The following CLASP2 variants were observed in gnomAD, a reference collection of about 807,000 sequenced individuals.
The protein encoded by CLASP2 is CLIP-associating protein 2.
In CLASP2, 47 loss-of-function variants were observed where a neutral mutation model predicts 194.4. That is an observed-to-expected ratio of 0.24 (90% CI 0.19 to 0.31). The LOEUF is 0.31. Among genes scored for constraint, CLASP2 ranks in the 10% least tolerant of loss-of-function variants. The pLI is 1.00. For missense variants in CLASP2, 1,445 were observed against 1,823.6 expected (o/e 0.79, Z 3.78); for synonymous variants, 619 against 633.5 (o/e 0.98, Z 0.34).
At chr3:33,546,331 C>T (rs2059147950) in intron 30 of CLASP2, among the ~76,000 whole-genome samples, 1 of 152,104 alleles carries the variant, frequency 6.6e-6, no homozygotes, top group Non-Finnish European at 1.5e-5. Flanking sequence ...TTCCATTGAT[C>T]TATTTGTCTA....
intron 29 of CLASP2, among the ~76,000 whole-genome samples, chr3:33,555,580 C>A (rs1367907761): frequency 6.6e-6 from 1 of 152,068 alleles, no homozygotes; most frequent in East Asian, 1.9e-4. Flanking sequence ...GTTGCCCAGG[C>A]TAGTCTCGAA....
At chr3:33,574,277 C>A (rs1220568797) in intron 24 of CLASP2, among the ~76,000 whole-genome samples, 2 of 152,042 alleles carry the variant, frequency 1.3e-5, no homozygotes, top group Non-Finnish European at 2.9e-5. Context: ...AGTAGTCAAG[C>A]TGAAAGAATG....
intron 13 of CLASP2, among the ~76,000 whole-genome samples, chr3:33,610,208 A>C (rs2074853238): frequency 6.6e-6 from 1 of 152,204 alleles, no homozygotes; most frequent in African/African-American, 2.4e-5. Context: ...AGCTGGAGTA[A>C]AAATTAGGCT....
intron 14 of CLASP2, 116 bp from the exon 15 acceptor site, chr3:33,607,577 A>T: frequency 1.8e-6 from 1 of 557,182 alleles, no homozygotes. Flanking sequence ...GGAAAATAAA[A>T]ATTAATTAGT....
At chr3:33,543,324 G>C in intron 32 of CLASP2, 109 bp downstream of exon 32, 1 of 715,166 alleles carries the variant, frequency 1.4e-6, no homozygotes, top group Non-Finnish European at 2.4e-6. Context: ...AGTGAGTTGA[G>C]ATCACACCAC....
chr3:33,667,866 C>T (rs1304535508), intron 6 of CLASP2, among the ~76,000 whole-genome samples: 3 of 152,056 alleles, frequency 2.0e-5, no homozygotes, highest in Non-Finnish European at 4.4e-5. Context: ...TACCATACCA[C>T]CAGAACTTAC....
intron 10 of CLASP2, among the ~76,000 whole-genome samples, chr3:33,623,122 T>A (rs2077381085): frequency 6.6e-6 from 1 of 152,178 alleles, no homozygotes; most frequent in African/African-American, 2.4e-5. Flanking sequence ...ATTTCTTACA[T>A]TTTTAATTAT....
intron 31 of CLASP2, among the ~76,000 whole-genome samples, chr3:33,543,865 C>T (rs1271078452): frequency 6.6e-6 from 1 of 152,146 alleles, no homozygotes; most frequent in Non-Finnish European, 1.5e-5. Flanking sequence ...TACTAATGCT[C>T]AAATTTTATC....
chr3:33,600,673 T>C (rs1298878318), intron 18 of CLASP2, among the ~76,000 whole-genome samples: 1 of 152,228 alleles, frequency 6.6e-6, no homozygotes, highest in Non-Finnish European at 1.5e-5. Context: ...CACAAAATGA[T>C]GAAATTACTA....
At chr3:33,700,097 A>G (rs2154352570) in intron 1 of CLASP2, among the ~76,000 whole-genome samples, 1 of 152,308 alleles carries the variant, frequency 6.6e-6, no homozygotes, top group Admixed American at 6.5e-5. Flanking sequence ...ATCTACACTA[A>G]GAAATAACAG....
intron 7 of CLASP2, among the ~76,000 whole-genome samples, chr3:33,646,073 C>G (rs1407898245): frequency 6.6e-6 from 1 of 151,896 alleles, no homozygotes; most frequent in African/African-American, 2.4e-5. Context: ...AGCAGCTTTA[C>G]CACACGCTTC....
rs138014062 is a variant in CLASP2, at chr3:33,614,199, T to G, written c.1318-2128A>C. 4.6e-4 allele frequency among the ~76,000 whole-genome samples: 70 copies of G among 152,128 alleles called. No individual in the cohort carries two copies. The East Asian group carries it at 0.011, about 24-fold the overall frequency. On this transcript the variant is annotated intron_variant, in intron 12 of 38. Transcript: ENST00000682230. Reference sequence around the variant, plus strand: ...TAGGCTAGTATAATAACGTGAAAAATGAGCAATTTGAAAACAAAGTATAAA... The same window carrying G: ...TAGGCTAGTATAATAACGTGAAAAAGGAGCAATTTGAAAACAAAGTATAAA...
Position 33,718,118 on chromosome 3 carries a change from G to T in CLASP2, c.-116C>A. 1 of 1,102,532 alleles carries T rather than the reference G, an allele frequency of 9.1e-7. No homozygotes were observed. Among genetic ancestry groups the T allele is most frequent in the Non-Finnish European group, 1.2e-6 (1 of 837,324 alleles). The allele number at this position is 1,102,532 out of a possible 1,614,324, so 68.3% of individuals were successfully genotyped here. ...GGCGGGACTCACTTAGCCCGCCAGG[G>T]GCGCGGCTTGCGGGGCGCAGCGGGC... On this transcript the variant is annotated 5_prime_UTR_variant, in exon 1 of 39. Transcript: ENST00000682230.
At chr3:33,708,788 T>C (rs999471325) in intron 1 of CLASP2, among the ~76,000 whole-genome samples, 2 of 152,116 alleles carry the variant, frequency 1.3e-5, no homozygotes, top group Non-Finnish European at 1.5e-5. Flanking sequence ...TTTTCCATGA[T>C]AGCTGTACCA....
At position 33,688,313 on chromosome 3, in the gene CLASP2, T is replaced by C; in HGVS notation, c.434A>G (p.Glu145Gly). The C allele has an allele frequency of 6.3e-7, 1 of 1,592,610 alleles. No individual in the cohort carries two copies. Among genetic ancestry groups the C allele is most frequent in the Non-Finnish European group, 8.6e-7 (1 of 1,168,574 alleles). Residue 145 changes from glutamate to glycine, a missense_variant, in exon 4 of 39, where the codon GAA becomes GGA. Coordinates refer to ENST00000682230, the MANE Select transcript of CLASP2 (RefSeq NM_001365631.1). ...GFKHKNFRSR[E>G]GVCLCLIETL... ...TTCAATAAGACACAGACACACGCCTTCTCGAGATCGAAAATTCTTGTGTTT... is the reference window on the plus strand; with the variant it reads ...TTCAATAAGACACAGACACACGCCTCCTCGAGATCGAAAATTCTTGTGTTT...
chr3:33,679,604 A>AT (rs1271772549), intron 6 of CLASP2, among the ~76,000 whole-genome samples: 1 of 152,228 alleles, frequency 6.6e-6, no homozygotes, highest in Admixed American at 6.5e-5. Flanking sequence ...ACCAGAGAAG[A>AT]TATACAGATG....
intron 11 of CLASP2, among the ~76,000 whole-genome samples, chr3:33,621,818 G>T (rs773117109): frequency 2.6e-5 from 4 of 152,104 alleles, no homozygotes; most frequent in Non-Finnish European, 5.9e-5. Flanking sequence ...ACCCAAATTA[G>T]TAGTGAGAAA....
In CLASP2 at chr3:33,622,136, C is replaced by A; in HGVS notation, c.1180G>T (p.Ala394Ser). 4.4e-6 allele frequency: 7 copies of A among 1,578,168 alleles called. No individual in the cohort carries two copies. Among genetic ancestry groups the A allele is most frequent in the Middle Eastern group, 3.4e-4 (2 of 5,898 alleles). The change falls in exon 11 of 39, where the codon GCC becomes TCC. Residue 394 changes from alanine to serine, a missense_variant and splice_region_variant. Coordinates refer to ENST00000682230, the MANE Select transcript of CLASP2 (RefSeq NM_001365631.1). The part of the protein sequence containing the change: ...QVVREACITV[A>S]HLSTVLGNKF... ...TTATCATAAAAGGAATATACTTACGCTACAGTAATACAAGCTTCTCTAACC... is the reference window on the plus strand; with the variant it reads ...TTATCATAAAAGGAATATACTTACGATACAGTAATACAAGCTTCTCTAACC...
chr3:33,538,576 G>GA (rs2057804821), intron 33 of CLASP2, among the ~76,000 whole-genome samples: 1 of 152,098 alleles, frequency 6.6e-6, no homozygotes, highest in Non-Finnish European at 1.5e-5. Flanking sequence ...ATCTCTATAT[G>GA]AAAATCTAAA....
Sources: allele counts gnomAD v4.1 joint callset (sites outside exome capture counted in the v4.1 genomes callset), GRCh38; gene constraint gnomAD v4.1.1; transcripts MANE v1.5; gene names NCBI Gene and HGNC (gene_info 2026-07-23, HGNC 2026-07-21).